The following TAOK1 variants were observed in gnomAD, a reference collection of about 807,000 sequenced individuals.
TAOK1 encodes TAO kinase 1, also known as serine/threonine-protein kinase TAO1.
Under a neutral mutation model 138.3 loss-of-function variants are expected in TAOK1, and 21 were observed. The ratio of observed to expected loss-of-function variants is 0.15; its 90% CI spans 0.11 to 0.22. TAOK1 has a LOEUF of 0.22. Among genes scored for constraint, TAOK1 ranks in the 10% least tolerant of loss-of-function variants. TAOK1 has a pLI of 1.00. For missense variants in TAOK1, 651 were observed against 1,227.7 expected, an observed-to-expected ratio of 0.53 and a Z score of 7.02; for synonymous variants, 361 against 398.4, an observed-to-expected ratio of 0.91 and a Z score of 1.12.
chr17:29,410,484 C>G (rs1046934583), intron 1 of TAOK1, among the ~76,000 whole-genome samples: 1 of 151,822 alleles, frequency 6.6e-6, no homozygotes, highest in African/African-American at 2.4e-5. Flanking sequence ...AACCCCTGAC[C>G]TCAGGTGATC....
rs1020190754 is a variant in TAOK1 at position 29,508,226 on chromosome 17, C to T, written c.1575+94C>T. 3.4e-5 allele frequency: 37 copies of T among 1,079,786 alleles called. No homozygotes were observed. The African/African-American group carries it at 3.9e-4, about 12-fold the overall frequency. The allele number at this position is 1,079,786 out of a possible 1,614,324, so 66.9% of individuals were successfully genotyped here. A position where few individuals can be genotyped will look rare whatever the true frequency, so the allele number is the denominator to read the frequency against. On this transcript the variant is annotated intron_variant, in intron 14 of 19. Transcript: ENST00000261716. ...AGTTTGATGTTAGCGTATCTGTTCC[C>T]GTGAACCAAGCAAATTGGGGAAAAG...
At chr17:29,396,122 A>C (rs572195758) in intron 1 of TAOK1, among the ~76,000 whole-genome samples, 2 of 152,280 alleles carry the variant, frequency 1.3e-5, no homozygotes, top group Non-Finnish European at 2.9e-5. Flanking sequence ...ATTTCATTAA[A>C]GATGTCTCAT....
At chr17:29,421,288 G>T (rs150626924) in intron 1 of TAOK1, among the ~76,000 whole-genome samples, 1 of 152,296 alleles carries the variant, frequency 6.6e-6, no homozygotes, top group African/African-American at 2.4e-5. Flanking sequence ...CTCCTGAGAG[G>T]AATCCCACTT....
intron 1 of TAOK1, among the ~76,000 whole-genome samples, chr17:29,397,098 G>A (rs562153601): frequency 3.7e-3 from 537 of 145,678 alleles, no homozygotes; most frequent in African/African-American, 0.013. Flanking sequence ...AGTTGCAGAC[G>A]AGCCTGGCCA....
At chr17:29,541,914 G>A (rs1020702996) in intron 19 of TAOK1, among the ~76,000 whole-genome samples, 16 of 150,032 alleles carry the variant, frequency 1.1e-4, no homozygotes, top group African/African-American at 3.4e-4. Context: ...TCGCTCTGTC[G>A]CCCAGGCTGG....
At chr17:29,502,883 A>G (rs2031555847) in intron 13 of TAOK1, among the ~76,000 whole-genome samples, 160 bp downstream of exon 13, 1 of 152,222 alleles carries the variant, frequency 6.6e-6, no homozygotes, top group South Asian at 2.1e-4. Context: ...TTATTCAAAG[A>G]ACTCTGAGAA....
chr17:29,486,971 A>T (rs1250150466), intron 8 of TAOK1, among the ~76,000 whole-genome samples: 1 of 151,892 alleles, frequency 6.6e-6, no homozygotes, highest in African/African-American at 2.4e-5. Flanking sequence ...ATTAAGGGCC[A>T]GTTGCTGTGG....
chr17:29,404,761 G>T (rs1049500103), intron 1 of TAOK1, among the ~76,000 whole-genome samples: 1 of 152,140 alleles, frequency 6.6e-6, no homozygotes, highest in Non-Finnish European at 1.5e-5. Context: ...CTGCATTCCA[G>T]CTTGGGCAAC....
At chr17:29,468,934 A>G (rs11651504) in intron 3 of TAOK1, among the ~76,000 whole-genome samples, 1 of 152,250 alleles carries the variant, frequency 6.6e-6, no homozygotes, top group South Asian at 2.1e-4. Flanking sequence ...AGTCTGAGAA[A>G]CGAGCAATGT....
chr17:29,530,884 T>C (rs1354292650), intron 18 of TAOK1: 2 of 456,450 alleles, frequency 4.4e-6, no homozygotes, highest in Non-Finnish European at 7.9e-6. Flanking sequence ...GAGATTAGAA[T>C]AGCAGCTTTG....
At chr17:29,433,810 A>G (rs927227684) in intron 1 of TAOK1, among the ~76,000 whole-genome samples, 1 of 152,066 alleles carries the variant, frequency 6.6e-6, no homozygotes, top group Non-Finnish European at 1.5e-5. Flanking sequence ...CCACCTGGCT[A>G]TCTCATTTCC....
At chr17:29,539,413 T>C (rs1024958315) in intron 19 of TAOK1, among the ~76,000 whole-genome samples, 7 of 152,112 alleles carry the variant, frequency 4.6e-5, no homozygotes, top group African/African-American at 1.7e-4. Flanking sequence ...GGTGTGGTGG[T>C]GCATGCCTGT....
At chr17:29,510,843 C>A (rs1188841400) in intron 14 of TAOK1, 21 bp from the exon 15 acceptor site, 2 of 1,540,122 alleles carry the variant, frequency 1.3e-6, no homozygotes, top group Admixed American at 2.1e-5. Flanking sequence ...AAATTTGATT[C>A]ATTTTTTAAA....
intron 1 of TAOK1, among the ~76,000 whole-genome samples, chr17:29,425,236 A>AT (rs1256785085): frequency 1.3e-5 from 2 of 152,070 alleles, no homozygotes; most frequent in Non-Finnish European, 2.9e-5. Flanking sequence ...TGCCCGGCTA[A>AT]TTTTTTTCTT....
At chr17:29,419,967 C>T (rs1405470773) in intron 1 of TAOK1, among the ~76,000 whole-genome samples, 2 of 151,942 alleles carry the variant, frequency 1.3e-5, no homozygotes, top group Non-Finnish European at 2.9e-5. Context: ...GCAGCCTCAA[C>T]CTCCCGGGCT....
chr17:29,481,466 A>G (rs1224373515), intron 7 of TAOK1, among the ~76,000 whole-genome samples: 1 of 151,916 alleles, frequency 6.6e-6, no homozygotes, highest in African/African-American at 2.4e-5. Flanking sequence ...CTGGGATTAC[A>G]GGCGTGAACC....
intron 4 of TAOK1, among the ~76,000 whole-genome samples, chr17:29,477,043 C>T (rs774252062): frequency 3.3e-5 from 5 of 152,106 alleles, no homozygotes; most frequent in Non-Finnish European, 7.4e-5. Context: ...AATGGGGTTT[C>T]ACCGTGTGTG....
intron 1 of TAOK1, among the ~76,000 whole-genome samples, chr17:29,394,375 C>T (rs541736243): frequency 6.6e-5 from 10 of 151,840 alleles, no homozygotes; most frequent in Non-Finnish European, 1.2e-4. Context: ...CTGTGTTAGC[C>T]AGGATGGTCT....
intron 15 of TAOK1, among the ~76,000 whole-genome samples, chr17:29,517,201 G>C (rs573135819): frequency 6.6e-6 from 1 of 151,658 alleles, no homozygotes; most frequent in South Asian, 2.1e-4. Context: ...TGTTAGCCAG[G>C]ATGGTCTCGA....
Sources: gnomAD v4.1 joint callset for allele counts (sites outside exome capture counted in the v4.1 genomes callset) on GRCh38, gnomAD v4.1.1 for gene constraint, MANE v1.5 for transcripts, NCBI Gene and HGNC (gene_info 2026-07-23, HGNC 2026-07-21) for gene names.